C1orf21: variants seen among roughly 807,000 people sequenced by gnomAD.
C1orf21 encodes uncharacterized protein C1orf21.
C1orf21 carries 3 observed loss-of-function variants against 18.7 expected under a neutral mutation model. That is an observed-to-expected ratio of 0.16 (90% CI 0.07 to 0.42). The LOEUF is 0.42. C1orf21 is among the 10% of genes least tolerant of loss of function. C1orf21 has a pLI of 0.99. For missense variants in C1orf21, 104 were observed against 143.6 expected (o/e 0.72, Z 1.41); for synonymous variants, 41 against 46.4 (o/e 0.88, Z 0.47).
chr1:184,491,280 G>C (rs930329728), intron 2 of C1orf21, among the ~76,000 whole-genome samples: 38 of 151,466 alleles, frequency 2.5e-4, no homozygotes, highest in South Asian at 2.1e-4. Flanking sequence ...TTCAGAAAAA[G>C]CAAAACTTTT....
At chr1:184,575,611 T>TAAAAAAAAAAAAAAAAAAA (rs59167087) in intron 3 of C1orf21, among the ~76,000 whole-genome samples, 1 of 83,506 alleles carries the variant, frequency 1.2e-5, no homozygotes, top group Non-Finnish European at 2.6e-5. Context: ...CACAAAAAGG[T>TAAAAAAAAAAAAAAAAAAA]AAAAAAAAAA....
At chr1:184,559,597 T>C (rs1658932737) in intron 3 of C1orf21, among the ~76,000 whole-genome samples, 1 of 123,892 alleles carries the variant, frequency 8.1e-6, no homozygotes, top group African/African-American at 3.1e-5. Flanking sequence ...CTCCCTTCCT[T>C]CCTTCCTTCC....
At chr1:184,517,135 T>A (rs1184627423) in intron 3 of C1orf21, among the ~76,000 whole-genome samples, 1 of 105,514 alleles carries the variant, frequency 9.5e-6, no homozygotes, top group Non-Finnish European at 2.1e-5. Flanking sequence ...CATATTACTC[T>A]ATTTGTTAGA....
At chr1:184,464,025 A>G (rs776674817) in intron 1 of C1orf21, among the ~76,000 whole-genome samples, 36 of 152,246 alleles carry the variant, frequency 2.4e-4, no homozygotes, top group Admixed American at 2.0e-3. Flanking sequence ...ACAGGAAAGT[A>G]CATAGTGGGA....
intron 2 of C1orf21, among the ~76,000 whole-genome samples, chr1:184,492,117 G>A (rs1180181707): frequency 6.6e-6 from 1 of 152,262 alleles, no homozygotes; most frequent in Non-Finnish European, 1.5e-5. Context: ...GCTATGTGCT[G>A]TGTAAGGTTT....
chr1:184,460,728 T>TC (rs1464454033), intron 1 of C1orf21, among the ~76,000 whole-genome samples: 2 of 149,788 alleles, frequency 1.3e-5, no homozygotes, highest in South Asian at 2.1e-4. Context: ...TTTTTTTTTT[T>TC]AAGAAATGGG....
At chr1:184,459,772 C>G (rs558931361) in intron 1 of C1orf21, among the ~76,000 whole-genome samples, 2 of 152,210 alleles carry the variant, frequency 1.3e-5, no homozygotes, top group African/African-American at 4.8e-5. Flanking sequence ...GAAAGAGCTG[C>G]GAGCCCTAGG....
intron 5 of C1orf21, among the ~76,000 whole-genome samples, chr1:184,609,198 A>T (rs1659692676): frequency 6.6e-6 from 1 of 152,206 alleles, no homozygotes; most frequent in African/African-American, 2.4e-5. Flanking sequence ...CTTTCTCCAC[A>T]TGTGACTGGA....
chr1:184,484,148 T>C (rs987346915), intron 2 of C1orf21, among the ~76,000 whole-genome samples: 4 of 152,104 alleles, frequency 2.6e-5, no homozygotes, highest in Non-Finnish European at 5.9e-5. Flanking sequence ...AGGCTGGTCT[T>C]GAACTCTTAA....
At chr1:184,405,147 T>C (rs981314833) in intron 1 of C1orf21, among the ~76,000 whole-genome samples, 4 of 152,194 alleles carry the variant, frequency 2.6e-5, no homozygotes, top group African/African-American at 9.6e-5. Flanking sequence ...CCTGGTCTTT[T>C]ATCTGAATCA....
chr1:184,485,109 T>C (rs1657714121), intron 2 of C1orf21, among the ~76,000 whole-genome samples: 1 of 152,200 alleles, frequency 6.6e-6, no homozygotes, highest in Non-Finnish European at 1.5e-5. Flanking sequence ...GGATTAAAGA[T>C]ACCTGTGTTT....
At chr1:184,431,541 T>C (rs530153676) in intron 1 of C1orf21, among the ~76,000 whole-genome samples, 3 of 152,264 alleles carry the variant, frequency 2.0e-5, no homozygotes, top group East Asian at 1.9e-4. Context: ...GGCAATACCA[T>C]TGAGGACATA....
chr1:184,611,746 C>A, intron 5 of C1orf21, among the ~76,000 whole-genome samples: 1 of 152,108 alleles, frequency 6.6e-6, no homozygotes, highest in East Asian at 1.9e-4. Context: ...ATGCTGTTTG[C>A]CACTCAGAAA....
intron 1 of C1orf21, among the ~76,000 whole-genome samples, chr1:184,452,786 A>ATTTTTTTTTTTTTTTTTTTTTTTT (rs1478995271): frequency 6.6e-6 from 1 of 152,120 alleles, no homozygotes; most frequent in African/African-American, 2.4e-5. Flanking sequence ...TTCCTTGTTA[A>ATTTTTTTTTTTTTTTTTTTTTTTT]TTCTCTTTGC....
chr1:184,554,694 C>T (rs1327156369), intron 3 of C1orf21, among the ~76,000 whole-genome samples: 3 of 152,166 alleles, frequency 2.0e-5, no homozygotes, highest in African/African-American at 7.2e-5. Flanking sequence ...ATCTGTATAA[C>T]AAATGTTTGT....
intron 1 of C1orf21, among the ~76,000 whole-genome samples, chr1:184,416,402 T>G (rs1290212214): frequency 6.6e-6 from 1 of 151,446 alleles, no homozygotes; most frequent in Non-Finnish European, 1.5e-5. Flanking sequence ...ATCATTAATT[T>G]AATTTAATTT....
At chr1:184,389,679 G>A (rs1180674992) in intron 1 of C1orf21, among the ~76,000 whole-genome samples, 3 of 152,158 alleles carry the variant, frequency 2.0e-5, no homozygotes, top group Non-Finnish European at 4.4e-5. Context: ...TGTTGCCTTT[G>A]TGACCAGGCA....
At chr1:184,449,833 A>G (rs533365082) in intron 1 of C1orf21, among the ~76,000 whole-genome samples, 1 of 152,294 alleles carries the variant, frequency 6.6e-6, no homozygotes, top group East Asian at 1.9e-4. Flanking sequence ...GTGATCATGT[A>G]TCTCCATATC....
chr1:184,489,673 T>C (rs1190250934), intron 2 of C1orf21, among the ~76,000 whole-genome samples: 1 of 152,164 alleles, frequency 6.6e-6, no homozygotes, highest in Non-Finnish European at 1.5e-5. Flanking sequence ...GAGATCAAGG[T>C]ATTCTATATT....
Sources: allele counts gnomAD v4.1 joint callset (sites outside exome capture counted in the v4.1 genomes callset), GRCh38; gene constraint gnomAD v4.1.1; transcripts MANE v1.5; gene names NCBI Gene and HGNC (gene_info 2026-07-23, HGNC 2026-07-21).